Variants in SLC47A2 observed in about 807,000 individuals in gnomAD.
The protein encoded by SLC47A2 is solute carrier family 47 member 2.
Under a neutral mutation model 67.7 loss-of-function variants are expected in SLC47A2, and 52 were observed. That is an observed-to-expected ratio of 0.77 (90% CI 0.61 to 0.97). The LOEUF (loss-of-function observed/expected upper bound fraction) is 0.97. Ranked by LOEUF, SLC47A2 falls within the 50% of genes least tolerant of loss-of-function variation. The pLI, the probability that SLC47A2 is intolerant of heterozygous loss-of-function variation, is 0.00. For missense variants in SLC47A2, 676 were observed against 712.3 expected (o/e 0.95, Z 0.58); for synonymous variants, 278 against 292.9 (o/e 0.95, Z 0.52).
Position 19,681,554 on chromosome 17 carries a change from G to A in SLC47A2, c.1281C>T (p.Val427=). Residue 427 remains valine, a synonymous_variant, in exon 14 of 17, where the codon GTC becomes GTT. Coordinates refer to ENST00000433844, the MANE Select transcript of SLC47A2 (RefSeq NM_001099646.3). The part of the protein sequence containing the change: ...LPLGILLTFV[V]RMRIMGLWLG... The stretch of plus-strand genomic sequence containing the variant: ...ACCACATACCCATGATTCTCATTCT[G>A]ACCACAAAGGTCAGAAGGATGCCCA... 1 of 1,614,094 alleles carries A rather than the reference G, an allele frequency of 6.2e-7. No individual in the cohort carries two copies. Among genetic ancestry groups the A allele is most frequent in the Non-Finnish European group, 8.5e-7 (1 of 1,180,022 alleles).
Position 19,678,796 on chromosome 17 carries a change from TG to T in SLC47A2, c.1590del (p.Ser531AlafsTer5). 6.2e-7 allele frequency: 1 copy of T among 1,614,230 alleles called. No homozygotes were observed. Among genetic ancestry groups the T allele is most frequent in the South Asian group, 1.1e-5 (1 of 91,082 alleles). On this transcript the variant is annotated frameshift_variant, in exon 17 of 17. Transcript: ENST00000433844. LOFTEE classifies it low-confidence loss of function (END_TRUNC). ...PEEAHALSAP[T>X]SRLSVKQLVI... ...ACCAGCTGTTTCACTGATAGTCTGC[TG>T]GTAGGAGCTGAAAGGGCGTGGGCCT...
At chr17:19,704,919 G>A (rs929264334) in intron 10 of SLC47A2, 18 of 422,484 alleles carry the variant, frequency 4.3e-5, no homozygotes, top group South Asian at 1.6e-4. Context: ...TCCGCCTCCC[G>A]GGTTCAAGTG....
intron 13 of SLC47A2, among the ~76,000 whole-genome samples, chr17:19,686,152 C>T (rs1170753410): frequency 6.6e-6 from 1 of 152,104 alleles, no homozygotes; most frequent in East Asian, 1.9e-4. Context: ...GTCCCAGCTA[C>T]TCAGGAGGCT....
At chr17:19,705,321 G>C (rs879032264) in intron 10 of SLC47A2, 115 bp downstream of exon 10, 3 of 1,167,236 alleles carry the variant, frequency 2.6e-6, no homozygotes, top group East Asian at 2.6e-5. Flanking sequence ...CGAGAGGCCC[G>C]GGGAGGGTCC....
intron 10 of SLC47A2, among the ~76,000 whole-genome samples, 177 bp from the exon 11 acceptor site, chr17:19,704,355 G>A (rs1449242883): frequency 2.0e-5 from 3 of 152,224 alleles, no homozygotes; most frequent in African/African-American, 7.2e-5. Flanking sequence ...GCTGGGGCTG[G>A]GAGAAGGGTG....
intron 13 of SLC47A2, chr17:19,702,275 G>C (rs1025005905): frequency 1.1e-4 from 111 of 985,144 alleles, no homozygotes; most frequent in Non-Finnish European, 1.3e-4. Flanking sequence ...TTCAGCTCCT[G>C]GCCAGCCTGG....
At chr17:19,708,902 G>A (rs2086021594) in intron 5 of SLC47A2, 142 bp from the exon 6 acceptor site, 2 of 1,073,600 alleles carry the variant, frequency 1.9e-6, no homozygotes, top group Non-Finnish European at 2.7e-6. Context: ...CCTCTCAGGT[G>A]CGGCCAAAGC....
chr17:19,711,588 C>CAAAAA (rs35308426), intron 5 of SLC47A2, among the ~76,000 whole-genome samples: 700 of 31,594 alleles, frequency 0.022, 3 homozygotes, highest in Non-Finnish European at 0.027. Context: ...AACTCCGTCT[C>CAAAAA]AAAAAAAAAA....
chr17:19,705,548 C>A (rs1368460900), intron 9 of SLC47A2, 45 bp from the exon 10 acceptor site: 5 of 1,575,256 alleles, frequency 3.2e-6, no homozygotes, highest in Non-Finnish European at 4.3e-6. Flanking sequence ...GCCCCAGACA[C>A]CCAGACCCTG....
intron 13 of SLC47A2, among the ~76,000 whole-genome samples, chr17:19,689,237 C>G (rs1386225806): frequency 6.6e-6 from 1 of 152,040 alleles, no homozygotes; most frequent in Non-Finnish European, 1.5e-5. Context: ...TTGGAAAAAC[C>G]TAAAGACCCC....
At chr17:19,703,068 C>A in intron 12 of SLC47A2, 24 bp downstream of exon 12, 1 of 1,608,778 alleles carries the variant, frequency 6.2e-7, no homozygotes, top group South Asian at 1.1e-5. Flanking sequence ...TTCCAAGAGT[C>A]AGCACAGAAA....
At chr17:19,718,580 C>T (rs918870656), upstream of SLC47A2, 7 of 152,270 alleles carry the variant, frequency 4.6e-5, no homozygotes, top group African/African-American at 1.4e-4. Context: ...CAGGAACATT[C>T]CCAGGATTTT....
In SLC47A2 at chr17:19,704,091, C is replaced by A; in HGVS notation, c.997G>T (p.Val333Phe). ...ADTVQAKRSA[V>F]SGVLSIVGIS... is the part of the protein sequence containing the mutation. ...CTACCTATGCTGAGCACGCCCGAGA[C>A]GGCCGAGCGCTTGGCCTGCACAGTA... The change falls in exon 11 of 17, where the codon GTC (valine) becomes TTC (phenylalanine). Residue 333 changes from valine to phenylalanine, a missense_variant. Transcript: ENST00000433844. 2 of 1,610,150 alleles carry A rather than the reference C, an allele frequency of 1.2e-6. No homozygotes were observed. Among genetic ancestry groups the A allele is most frequent in the Non-Finnish European group, 1.7e-6 (2 of 1,179,404 alleles).
chr17:19,715,697 G>GTTTTTTGTT (rs2086237106), intron 1 of SLC47A2: 1 of 99,472 alleles, frequency 1.0e-5, no homozygotes. Context: ...TTTTGGTTTT[G>GTTTTTTGTT]TTTTTTTTGT....
At chr17:19,679,662 G>A (rs2085271070) in intron 16 of SLC47A2, among the ~76,000 whole-genome samples, 1 of 152,060 alleles carries the variant, frequency 6.6e-6, no homozygotes, top group South Asian at 2.1e-4. Flanking sequence ...TGGGATGAGG[G>A]AGGAAATACC....
chr17:19,686,726 T>C (rs1043252329), intron 13 of SLC47A2, among the ~76,000 whole-genome samples: 2 of 151,988 alleles, frequency 1.3e-5, no homozygotes, highest in Non-Finnish European at 2.9e-5. Context: ...ATAAAGGGGG[T>C]CAGTTCAGCA....
intron 13 of SLC47A2, chr17:19,692,165 T>C (rs1302167061): frequency 2.3e-5 from 8 of 350,548 alleles, no homozygotes; most frequent in Non-Finnish European, 4.3e-5. Context: ...AAGGCAGAGG[T>C]TGAAATGAGC....
chr17:19,699,824 C>T (rs777091500), intron 13 of SLC47A2, among the ~76,000 whole-genome samples: 35 of 152,194 alleles, frequency 2.3e-4, no homozygotes, highest in Non-Finnish European at 4.7e-4. Context: ...AAGACTTCCA[C>T]GTGAACATTC....
intron 13 of SLC47A2, among the ~76,000 whole-genome samples, chr17:19,699,720 G>T (rs555788537): frequency 2.0e-5 from 3 of 152,244 alleles, no homozygotes; most frequent in African/African-American, 7.2e-5. Context: ...CACCTGGCTG[G>T]CAGTTTCTTA....
Sources: gnomAD v4.1 joint callset for allele counts (sites outside exome capture counted in the v4.1 genomes callset) on GRCh38, gnomAD v4.1.1 for gene constraint, MANE v1.5 for transcripts, NCBI Gene and HGNC (gene_info 2026-07-23, HGNC 2026-07-21) for gene names.